Variants in SREK1IP1 observed in about 807,000 individuals in gnomAD.
The protein encoded by SREK1IP1 is protein SREK1IP1.
SREK1IP1 carries 12 observed loss-of-function variants against 22.8 expected under a neutral mutation model. The observed-to-expected ratio is 0.53, with a 90% CI of 0.34 to 0.85. The LOEUF (loss-of-function observed/expected upper bound fraction) is 0.85. Among genes scored for constraint, SREK1IP1 ranks in the 40% least tolerant of loss-of-function variants. The pLI is 0.02. For missense variants in SREK1IP1, 147 were observed against 171.8 expected (o/e 0.86, Z 0.81); for synonymous variants, 53 against 52.7 (o/e 1.01, Z -0.02).
At chr5:64,754,464 TTTC>T in intron 1 of SREK1IP1, 102 bp from the exon 2 acceptor site, 3 of 1,207,004 alleles carry the variant, frequency 2.5e-6, no homozygotes, top group Non-Finnish European at 3.5e-6. Context: ...TGTTATAGAA[TTTC>T]TTTTTTTTTG....
chr5:64,754,044 C>A (rs535509443), intron 2 of SREK1IP1, among the ~76,000 whole-genome samples: 109 of 152,312 alleles, frequency 7.2e-4, no homozygotes, highest in South Asian at 1.5e-3. Flanking sequence ...AATATACTTT[C>A]TCCAAACTCC....
chr5:64,759,513 T>C (rs1238543363), intron 1 of SREK1IP1, among the ~76,000 whole-genome samples: 1 of 152,088 alleles, frequency 6.6e-6, no homozygotes, highest in East Asian at 1.9e-4. Context: ...TAAAAACTTA[T>C]AAATTTGACA....
intron 4 of SREK1IP1, 110 bp downstream of exon 4, chr5:64,727,997 T>A (rs1742304101): frequency 1.0e-6 from 1 of 971,200 alleles, no homozygotes; most frequent in Non-Finnish European, 1.3e-6. Context: ...AAAGCTTAGT[T>A]GTTGAAGAAA....
In SREK1IP1 at chr5:64,724,249, T is replaced by A; in HGVS notation, c.*135A>T. ...AAATATATTGCCAGAGGGATAATGG[T>A]CCCAAATACGAAAAATGTCTATATG... On this transcript the variant is annotated 3_prime_UTR_variant, in exon 5 of 5. Coordinates refer to ENST00000513458, the MANE Select transcript of SREK1IP1 (RefSeq NM_173829.4). 1.4e-6 allele frequency: 1 copy of A among 727,980 alleles called. No homozygotes were observed. Among genetic ancestry groups the A allele is most frequent in the African/African-American group, 1.8e-5 (1 of 55,586 alleles). The allele number at this position is 727,980 out of a possible 1,614,324, so 45.1% of individuals were successfully genotyped here.
chr5:64,744,338 G>T (rs1271553799), intron 2 of SREK1IP1, among the ~76,000 whole-genome samples: 1 of 152,160 alleles, frequency 6.6e-6, no homozygotes, highest in African/African-American at 2.4e-5. Context: ...CCTCTTCCAA[G>T]TATATTTTCC....
intron 2 of SREK1IP1, among the ~76,000 whole-genome samples, chr5:64,750,575 TCTC>T (rs1478728032): frequency 6.6e-6 from 1 of 152,134 alleles, no homozygotes; most frequent in Non-Finnish European, 1.5e-5. Flanking sequence ...GTCAACTTCC[TCTC>T]CTACTTCCCT....
chr5:64,755,455 G>A (rs990515299), intron 1 of SREK1IP1, among the ~76,000 whole-genome samples: 1 of 152,144 alleles, frequency 6.6e-6, no homozygotes, highest in African/African-American at 2.4e-5. Flanking sequence ...ATTAACACAG[G>A]AACAGAAAAC....
At position 64,754,974 on chromosome 5, in the gene SREK1IP1, A is replaced by T. The variant is rs190068978; in HGVS notation, c.14-612T>A. Among the ~76,000 whole-genome samples the T allele has an allele frequency of 4.9e-3, 739 of 152,254 alleles. 9 individuals carry two copies. The highest frequency in any genetic ancestry group is 7.4e-3 in the Non-Finnish European group (503 of 68,014). On this transcript the variant is annotated intron_variant, in intron 1 of 4. Transcript: ENST00000513458. ...ACATAAAAAAAAGCTCCACATCACT[A>T]ATCATCAGAGAAATGCAAATCAAAA...
chr5:64,751,420 T>A (rs1742738164), intron 2 of SREK1IP1, among the ~76,000 whole-genome samples: 1 of 152,218 alleles, frequency 6.6e-6, no homozygotes. Flanking sequence ...AAGCTGTACC[T>A]TTAGAAAGAT....
Position 64,754,308 on chromosome 5 carries a change from T to C in SREK1IP1, c.61+7A>G. ...ATGCAAAGCATGTCATCTTTTAGAATACTTACGGTAGCCACATTTTTTACA... is the reference window on the plus strand; with the variant it reads ...ATGCAAAGCATGTCATCTTTTAGAACACTTACGGTAGCCACATTTTTTACA... On this transcript the variant is annotated splice_region_variant and intron_variant, in intron 2 of 4. Transcript: ENST00000513458. The C allele has an allele frequency of 6.2e-7, 1 of 1,613,630 alleles. No homozygotes were observed. The highest frequency in any genetic ancestry group is 8.5e-7 in the Non-Finnish European group (1 of 1,179,572).
chr5:64,746,354 A>C (rs958455450), intron 2 of SREK1IP1, among the ~76,000 whole-genome samples: 2 of 152,222 alleles, frequency 1.3e-5, no homozygotes, highest in Non-Finnish European at 2.9e-5. Flanking sequence ...CAAAAGAAAA[A>C]AATTGATAAA....
chr5:64,759,575 G>A (rs143716853), intron 1 of SREK1IP1, among the ~76,000 whole-genome samples: 2 of 152,186 alleles, frequency 1.3e-5, no homozygotes, highest in South Asian at 2.1e-4. Flanking sequence ...CAAAAGACAC[G>A]TGGAAACTTG....
chr5:64,729,829 G>A (rs938304261), intron 3 of SREK1IP1, among the ~76,000 whole-genome samples: 1 of 152,132 alleles, frequency 6.6e-6, no homozygotes. Flanking sequence ...AAGGACAATT[G>A]TGGGTGGGAA....
At chr5:64,734,739 G>A (rs1742431151) in intron 3 of SREK1IP1, among the ~76,000 whole-genome samples, 1 of 151,874 alleles carries the variant, frequency 6.6e-6, no homozygotes, top group Non-Finnish European at 1.5e-5. Context: ...AAATACAATT[G>A]ATTTCTGCTA....
In SREK1IP1 at chr5:64,721,597, T is replaced by G. The variant is rs1436112735; in HGVS notation, c.*2787A>C. On this transcript the variant is annotated 3_prime_UTR_variant, in exon 5 of 5. Transcript: ENST00000513458. ...ATGCAAAAAAAAAAAAGGGGGAAAT[T>G]GTGTGGTGAGAAGGTCCATCAACCC... 6.7e-6 allele frequency: 1 copy of G among 149,582 alleles called. No individual in the cohort carries two copies. The highest frequency in any genetic ancestry group is 1.5e-5 in the Non-Finnish European group (1 of 67,594). 9.3% of individuals were successfully genotyped at this position (149,582 alleles called of 1,614,324 possible). A position where few individuals can be genotyped will look rare whatever the true frequency, so the allele number is the denominator to read the frequency against.
intron 1 of SREK1IP1, among the ~76,000 whole-genome samples, chr5:64,764,156 A>C (rs1742997113): frequency 6.6e-6 from 1 of 152,158 alleles, no homozygotes; most frequent in South Asian, 2.1e-4. Flanking sequence ...AATCACAAAA[A>C]AACTCATAAT....
At chr5:64,744,674 GTT>G (rs1447200363) in intron 2 of SREK1IP1, among the ~76,000 whole-genome samples, 1 of 152,062 alleles carries the variant, frequency 6.6e-6, no homozygotes, top group Non-Finnish European at 1.5e-5. Flanking sequence ...TTTCTGTGTA[GTT>G]TTTAGTTTTA....
intron 3 of SREK1IP1, among the ~76,000 whole-genome samples, chr5:64,731,066 TAC>T (rs1742369265): frequency 6.6e-6 from 1 of 152,130 alleles, no homozygotes; most frequent in Admixed American, 6.6e-5. Flanking sequence ...GTAAAAAGCG[TAC>T]AGTGTATGCC....
intron 1 of SREK1IP1, among the ~76,000 whole-genome samples, chr5:64,757,681 TTTC>T (rs1161326827): frequency 6.6e-6 from 1 of 152,078 alleles, no homozygotes; most frequent in Admixed American, 6.5e-5. Context: ...TTTTCATGGA[TTTC>T]TTATTGCCCT....
Sources: gnomAD v4.1 joint callset for allele counts (sites outside exome capture counted in the v4.1 genomes callset) on GRCh38, gnomAD v4.1.1 for gene constraint, MANE v1.5 for transcripts, NCBI Gene and HGNC (gene_info 2026-07-23, HGNC 2026-07-21) for gene names.